Variants in NKAP observed in about 807,000 individuals in gnomAD.
The protein encoded by NKAP is NFKB activating protein.
NKAP carries 4 observed loss-of-function variants against 35.6 expected under a neutral mutation model. The ratio of observed to expected loss-of-function variants is 0.11; its 90% confidence interval spans 0.06 to 0.26. NKAP has a LOEUF of 0.26. NKAP is among the 10% of genes least tolerant of loss of function. The pLI is 1.00. For synonymous variants in NKAP, 106 were observed against 119.2 expected, an observed-to-expected ratio of 0.89 and a Z score of 0.72; for missense variants, 238 against 321.9, an observed-to-expected ratio of 0.74 and a Z score of 1.99.
At chrX:119,938,885 A>T in intron 1 of NKAP, 75 bp from the exon 2 acceptor site, 1 of 739,880 alleles carries the variant, frequency 1.4e-6, no homozygotes. Context: ...ATTCAATAGG[A>T]GTCTAGTTAA....
At chrX:119,943,180 C>G in intron 1 of NKAP, 40 bp downstream of exon 1, 21 of 1,147,310 alleles carry the variant, frequency 1.8e-5, no homozygotes, top group Non-Finnish European at 2.0e-5. Context: ...TCCAAAGGCA[C>G]GTAGGCTCGT....
intron 7 of NKAP, among the ~76,000 whole-genome samples, chrX:119,931,662 G>C (rs934929773): frequency 3.6e-5 from 4 of 111,468 alleles, no homozygotes; most frequent in Admixed American, 2.9e-4. Context: ...AAAGGGCTTC[G>C]AAGGATAGTA....
At chrX:119,939,880 C>T (rs1444838109) in intron 1 of NKAP, among the ~76,000 whole-genome samples, 1 of 107,356 alleles carries the variant, frequency 9.3e-6, no homozygotes, top group Non-Finnish European at 1.9e-5. Context: ...ACCTGGGAGA[C>T]AGAGCGAGAC....
chrX:119,934,832 T>C (rs919432029), intron 4 of NKAP, among the ~76,000 whole-genome samples: 5 of 111,240 alleles, frequency 4.5e-5, no homozygotes, highest in African/African-American at 1.6e-4. Flanking sequence ...TTTTACGGGA[T>C]GCATACAGAA....
rs73607094 is a variant in NKAP at position 119,936,497 on chromosome X, C to T, written c.539-66G>A. The T allele has an allele frequency of 2.8e-3, 2,741 of 986,464 alleles. 37 individuals are homozygous for T. The African/African-American group carries it at 0.047, about 17-fold the overall frequency. 81.3% of individuals were successfully genotyped at this position (986,464 alleles called of 1,213,427 possible). Reference sequence around the variant, plus strand: ...ATTTCTGAACATCAAAAGAAACAGACGATGGGCAATTTGAGTAAAAGCAAA... The same window carrying T: ...ATTTCTGAACATCAAAAGAAACAGATGATGGGCAATTTGAGTAAAAGCAAA... On this transcript the variant is annotated intron_variant, in intron 3 of 8. Coordinates refer to ENST00000371410, the MANE Select transcript of NKAP (RefSeq NM_024528.4).
At chrX:119,934,430 C>CA (rs369386190) in intron 5 of NKAP, 64 bp downstream of exon 5, 10,568 of 176,741 alleles carry the variant, frequency 0.06, 123 homozygotes, top group Non-Finnish European at 0.065. Context: ...GACTCTGTCT[C>CA]AAAAAAAAAA....
chrX:119,932,054 T>C (rs1302074147), intron 6 of NKAP, 43 bp from the exon 7 acceptor site: 3 of 1,176,040 alleles, frequency 2.6e-6, no homozygotes, highest in African/African-American at 1.8e-5. Flanking sequence ...TTCTGACTAA[T>C]TGGTTACTTT....
intron 4 of NKAP, among the ~76,000 whole-genome samples, chrX:119,935,158 C>G (rs1375031033): frequency 9.0e-6 from 1 of 111,149 alleles, no homozygotes; most frequent in East Asian, 2.8e-4. Context: ...GGAACCTGGA[C>G]ACACAGAGGA....
At chrX:119,936,907 C>A in intron 2 of NKAP, 1 of 308,250 alleles carries the variant, frequency 3.2e-6, no homozygotes, top group East Asian at 5.6e-5. Context: ...CAAGGGTCTA[C>A]CATCTTTGTA....
intron 8 of NKAP, among the ~76,000 whole-genome samples, chrX:119,928,193 G>A (rs984218441): frequency 1.8e-5 from 2 of 111,960 alleles, no homozygotes; most frequent in African/African-American, 6.5e-5. Context: ...TTCTGACACT[G>A]TTATAAACGT....
At chrX:119,941,617 TTTG>T (rs1267405635) in intron 1 of NKAP, among the ~76,000 whole-genome samples, 3 of 108,806 alleles carry the variant, frequency 2.8e-5, no homozygotes, top group African/African-American at 6.6e-5. Context: ...TGTTCTTCTC[TTTG>T]TTTTTTTTTG....
intron 1 of NKAP, 85 bp downstream of exon 1, chrX:119,943,135 G>C: frequency 9.2e-7 from 1 of 1,086,790 alleles, no homozygotes; most frequent in Non-Finnish European, 1.2e-6. Context: ...AGCGAAATGC[G>C]AATAGTCAGA....
chrX:119,925,980 C>T (rs370003361), intron 8 of NKAP, among the ~76,000 whole-genome samples: 14 of 65,091 alleles, frequency 2.2e-4, no homozygotes, highest in African/African-American at 8.7e-4. Context: ...GACGGAGTCT[C>T]GCTCTGTCGC....
Position 119,925,191 on chromosome X carries a change from A to C in NKAP, c.*29T>G. 3 of 1,192,995 alleles carry C rather than the reference A, an allele frequency of 2.5e-6. No individual in the cohort carries two copies. The highest frequency in any genetic ancestry group is 3.4e-6 in the Non-Finnish European group (3 of 887,863). On this transcript the variant is annotated 3_prime_UTR_variant, in exon 9 of 9. Coordinates refer to ENST00000371410, the MANE Select transcript of NKAP (RefSeq NM_024528.4). ...ACCCAGACTTTCTTTTTTGTTGTTA[A>C]AAATGTCTTCTGGACAATCAGAAAA...
intron 7 of NKAP, 100 bp from the exon 8 acceptor site, chrX:119,930,265 C>T (rs775958555): frequency 7.9e-5 from 67 of 845,005 alleles, no homozygotes; most frequent in Non-Finnish European, 1.0e-4. Flanking sequence ...CATTTTCTCT[C>T]AAACAAGAGT....
intron 2 of NKAP, chrX:119,936,962 T>C: frequency 5.1e-6 from 1 of 195,247 alleles, no homozygotes; most frequent in East Asian, 1.0e-4. Context: ...AGAGTTTACA[T>C]AGTACTATTT....
intron 1 of NKAP, among the ~76,000 whole-genome samples, chrX:119,939,145 T>A (rs2056780450): frequency 1.8e-5 from 2 of 112,622 alleles, no homozygotes; most frequent in Non-Finnish European, 3.7e-5. Flanking sequence ...TACAGATTTA[T>A]GAAAGGTGAA....
At chrX:119,938,148 G>A (rs1328276692) in intron 2 of NKAP, 1 of 112,220 alleles carries the variant, frequency 8.9e-6, no homozygotes, top group Non-Finnish European at 1.9e-5. Context: ...TTGGGAGGCT[G>A]AGGCAAGCGG....
At chrX:119,938,469 ATTAT>A (rs1457227971) in intron 2 of NKAP, among the ~76,000 whole-genome samples, 1 of 112,093 alleles carries the variant, frequency 8.9e-6, no homozygotes, top group Non-Finnish European at 1.9e-5. Context: ...AATAATGTGT[ATTAT>A]TTAACAATGA....
Sources: gnomAD v4.1 joint callset for allele counts (sites outside exome capture counted in the v4.1 genomes callset) on GRCh38, gnomAD v4.1.1 for gene constraint, MANE v1.5 for transcripts, NCBI Gene and HGNC (gene_info 2026-07-23, HGNC 2026-07-21) for gene names.